POU6F2: variants seen among roughly 807,000 people sequenced by gnomAD.
POU6F2 encodes the protein POU class 6 homeobox 2, also known as POU domain, class 6, transcription factor 2.
POU6F2 carries 31 observed loss-of-function variants against 71.3 expected under a neutral mutation model. The observed-to-expected ratio is 0.43, with a 90% CI of 0.33 to 0.59. The LOEUF (loss-of-function observed/expected upper bound fraction) is 0.59, where lower values mean the gene tolerates loss of function less well. POU6F2 is among the 20% of genes least tolerant of loss of function. The pLI, the probability that POU6F2 is intolerant of heterozygous loss-of-function variation, is 0.04. For missense variants in POU6F2, 783 were observed against 856.8 expected (o/e 0.91, Z 1.07); for synonymous variants, 347 against 355.7 (o/e 0.98, Z 0.27).
intron 2 of POU6F2, among the ~76,000 whole-genome samples, chr7:39,116,049 A>G (rs1279570962): frequency 2.0e-5 from 3 of 152,138 alleles, no homozygotes; most frequent in African/African-American, 2.4e-5. Flanking sequence ...CCATCTGGAC[A>G]TTATCTTTTT....
chr7:39,361,292 T>C (rs1786383408), intron 5 of POU6F2, among the ~76,000 whole-genome samples: 1 of 152,246 alleles, frequency 6.6e-6, no homozygotes, highest in Admixed American at 6.5e-5. Context: ...TCAGGTATTG[T>C]ACTCAGCAAG....
chr7:39,151,706 A>C (rs187572351), intron 2 of POU6F2, among the ~76,000 whole-genome samples: 8 of 152,288 alleles, frequency 5.3e-5, no homozygotes, highest in African/African-American at 1.9e-4. Context: ...TAGATTCATT[A>C]ATTTCCTTAA....
At chr7:39,389,304 G>T (rs77266765) in intron 5 of POU6F2, among the ~76,000 whole-genome samples, 3 of 152,104 alleles carry the variant, frequency 2.0e-5, no homozygotes, top group Non-Finnish European at 4.4e-5. Flanking sequence ...AAACAATCTT[G>T]TCACTGATGA....
intron 4 of POU6F2, among the ~76,000 whole-genome samples, chr7:39,271,825 T>C (rs181196911): frequency 6.0e-4 from 89 of 148,590 alleles, no homozygotes; most frequent in Non-Finnish European, 1.1e-3. Flanking sequence ...TTTTATTCTT[T>C]ATTTTTAAAC....
chr7:39,034,152 G>A (rs12532009), intron 1 of POU6F2, among the ~76,000 whole-genome samples: 61,955 of 151,960 alleles, frequency 0.41, 13,010 homozygotes, highest in South Asian at 0.5. Flanking sequence ...TGTGTGGAGA[G>A]GAGCTTTGTG....
intron 1 of POU6F2, among the ~76,000 whole-genome samples, chr7:39,001,145 G>A (rs1421892664): frequency 6.6e-6 from 1 of 152,030 alleles, no homozygotes; most frequent in African/African-American, 2.4e-5. Context: ...GTTCTTGATT[G>A]TGCCTGCATA....
In POU6F2 at chr7:38,995,457, A is replaced by C. The variant is rs375697761; in HGVS notation, c.105+17399A>C. On this transcript the variant is annotated intron_variant, in intron 1 of 9. Transcript: ENST00000518318. ...TGCACGTTGTGCACATGTACCCTAA[A>C]ACTTAAAGTATAATACAAAAAATAA... Among the ~76,000 whole-genome samples the C allele has an allele frequency of 4.1e-4, 62 of 152,290 alleles. 2 individuals carry two copies. The South Asian group carries it at 0.012, about 30-fold the overall frequency.
At position 39,346,151 on chromosome 7, in the gene POU6F2, G is replaced by A. The variant is rs564459290; in HGVS notation, c.972+6136G>A. Among the ~76,000 whole-genome samples, 67 of 152,220 alleles carry A rather than the reference G, an allele frequency of 4.4e-4. 1 individual carries two copies. The South Asian group carries it at 0.01, about 24-fold the overall frequency. ...TGGCATTTCAAAGAATTTATTACAC[G>A]CATTTGAGATCCAGGAGGAACAACA... On this transcript the variant is annotated intron_variant, in intron 5 of 9. Transcript: ENST00000518318.
At chr7:39,288,154 C>T (rs917021863) in intron 4 of POU6F2, among the ~76,000 whole-genome samples, 7 of 152,190 alleles carry the variant, frequency 4.6e-5, no homozygotes, top group Non-Finnish European at 1.0e-4. Context: ...GTTTAATCTT[C>T]TTTCAATTAT....
chr7:39,172,889 G>C (rs1297766664), intron 2 of POU6F2, among the ~76,000 whole-genome samples: 1 of 151,898 alleles, frequency 6.6e-6, no homozygotes, highest in African/African-American at 2.4e-5. Context: ...CCAAAGTGCT[G>C]TGCCATTACA....
intron 4 of POU6F2, among the ~76,000 whole-genome samples, chr7:39,305,059 A>G (rs1475788482): frequency 1.3e-5 from 2 of 152,270 alleles, no homozygotes; most frequent in Non-Finnish European, 2.9e-5. Context: ...TATGTATACT[A>G]TACAAATTCA....
chr7:39,363,400 C>A (rs1020004566), intron 5 of POU6F2, among the ~76,000 whole-genome samples: 1 of 151,846 alleles, frequency 6.6e-6, no homozygotes, highest in Admixed American at 6.6e-5. Flanking sequence ...GTTTTAGACA[C>A]GTCATGTTTG....
At chr7:39,292,693 T>G (rs4530944) in intron 4 of POU6F2, among the ~76,000 whole-genome samples, 506 of 152,196 alleles carry the variant, frequency 3.3e-3, no homozygotes, top group African/African-American at 0.011. Context: ...ATGGGGAGTT[T>G]TTCTTGCCTT....
chr7:39,307,534 T>G (rs569874404), intron 4 of POU6F2, among the ~76,000 whole-genome samples: 8 of 152,256 alleles, frequency 5.3e-5, no homozygotes, highest in Non-Finnish European at 8.8e-5. Flanking sequence ...AAGATAATTT[T>G]ATACTTCCTC....
chr7:39,238,317 A>G (rs570844178), intron 4 of POU6F2, among the ~76,000 whole-genome samples: 13 of 152,128 alleles, frequency 8.5e-5, no homozygotes, highest in Non-Finnish European at 1.5e-4. Context: ...TTGCTTCGCC[A>G]GTGTCTGTTT....
intron 2 of POU6F2, among the ~76,000 whole-genome samples, chr7:39,108,281 T>TA (rs1791733849): frequency 6.6e-6 from 1 of 151,688 alleles, no homozygotes; most frequent in African/African-American, 2.4e-5. Flanking sequence ...TTCAATTATT[T>TA]TTTTTTTTGC....
At chr7:39,095,424 T>C (rs1213416995) in intron 2 of POU6F2, among the ~76,000 whole-genome samples, 2 of 152,176 alleles carry the variant, frequency 1.3e-5, no homozygotes, top group Non-Finnish European at 2.9e-5. Flanking sequence ...GGAATTAATG[T>C]CTACAGCTGC....
intron 2 of POU6F2, among the ~76,000 whole-genome samples, chr7:39,203,655 T>A (rs1793950605): frequency 6.6e-6 from 1 of 152,226 alleles, no homozygotes; most frequent in South Asian, 2.1e-4. Flanking sequence ...CCTGGAGCTA[T>A]TGCGGGATTC....
chr7:39,144,721 T>C (rs1792579895), intron 2 of POU6F2, among the ~76,000 whole-genome samples: 1 of 152,252 alleles, frequency 6.6e-6, no homozygotes. Flanking sequence ...TTCTAAATGC[T>C]TACTTTTTAT....
Sources: allele counts gnomAD v4.1 joint callset (sites outside exome capture counted in the v4.1 genomes callset), GRCh38; gene constraint gnomAD v4.1.1; transcripts MANE v1.5; gene names NCBI Gene and HGNC (gene_info 2026-07-23, HGNC 2026-07-21).